The following LGMN variants were observed in gnomAD, a reference collection of about 807,000 sequenced individuals.
LGMN encodes legumain, also known as asparaginyl endopeptidase.
Under a neutral mutation model 56.8 loss-of-function variants are expected in LGMN, and 36 were observed. The observed-to-expected ratio is 0.63, with a 90% CI of 0.49 to 0.84. LGMN has a LOEUF of 0.84. Among genes scored for constraint, LGMN ranks in the 40% least tolerant of loss-of-function variants. The probability of loss-of-function intolerance (pLI) is 0.00; values close to 1 mark genes in which losing one functional copy is unlikely to be tolerated. For missense variants in LGMN, 446 were observed against 556.1 expected, an observed-to-expected ratio of 0.80 and a Z score of 1.99; for synonymous variants, 199 against 210.1, an observed-to-expected ratio of 0.95 and a Z score of 0.46.
chr14:92,710,735 G>A (rs971616956), intron 10 of LGMN, among the ~76,000 whole-genome samples: 3 of 152,184 alleles, frequency 2.0e-5, no homozygotes, highest in African/African-American at 4.8e-5. Context: ...AAAGCCCAAG[G>A]CGGGGCCCCC....
chr14:92,714,468 G>C lies in LGMN; in HGVS notation c.405-17C>G. 1 of 1,548,826 alleles carries C rather than the reference G, an allele frequency of 6.5e-7. No individual in the cohort carries two copies. The highest frequency in any genetic ancestry group is 2.2e-5 in the East Asian group (1 of 44,530). On this transcript the variant is annotated splice_polypyrimidine_tract_variant and intron_variant, in intron 5 of 13. Transcript: ENST00000334869. This position sits in a 1 kb window ranked among gnomAD's most constrained non-coding sequence, Gnocchi z 5.1. ...TGGGGGCCACTGCCAAGAAGGAATC[G>C]GGGGTCAATCATTTCCTTTTTCTGT...
intron 1 of LGMN, chr14:92,733,697 C>T (rs1311663938): frequency 6.6e-6 from 1 of 152,176 alleles, no homozygotes; most frequent in East Asian, 1.9e-4. Flanking sequence ...GTCTCAGCTA[C>T]TTGGGAGGCT....
In LGMN at chr14:92,704,063, C is replaced by T. The variant is rs764985452; in HGVS notation, c.*256G>A. 1.6e-5 allele frequency: 11 copies of T among 701,308 alleles called. No individual in the cohort carries two copies. The highest frequency in any genetic ancestry group is 2.6e-5 in the Non-Finnish European group (10 of 385,298). The allele number at this position is 701,308 out of a possible 1,614,324, so 43.4% of individuals were successfully genotyped here. On this transcript the variant is annotated 3_prime_UTR_variant, in exon 14 of 14. Coordinates refer to ENST00000334869, the MANE Select transcript of LGMN (RefSeq NM_005606.7). ...CAAAACTAACAGGCAAAACAACAAA[C>T]CTCCTAGAAAGCAAATATGACCCTT... is the stretch of plus-strand genomic sequence containing the variant.
intron 12 of LGMN, 55 bp downstream of exon 12, chr14:92,706,428 G>A: frequency 7.2e-7 from 1 of 1,388,966 alleles, no homozygotes; most frequent in East Asian, 2.4e-5. Context: ...ACTGCCAGGG[G>A]ACAATATGAA....
chr14:92,711,779 G>A, intron 9 of LGMN, 31 bp from the exon 10 acceptor site: 1 of 1,611,206 alleles, frequency 6.2e-7, no homozygotes, highest in Non-Finnish European at 8.5e-7. Flanking sequence ...AGAGACCTTT[G>A]ACAATCAGAG....
In LGMN at chr14:92,743,622, G is replaced by A. The variant is rs189559633; in HGVS notation, c.-30+4867C>T. On this transcript the variant is annotated intron_variant, in intron 1 of 13. Coordinates refer to ENST00000334869, the MANE Select transcript of LGMN (RefSeq NM_005606.7). ...TTCAAGACCAGCCTGGCCAACATGCGAAACCCCATCTCTACTAAAAATACA... is the reference window on the plus strand; with the variant it reads ...TTCAAGACCAGCCTGGCCAACATGCAAAACCCCATCTCTACTAAAAATACA... Among the ~76,000 whole-genome samples the A allele has an allele frequency of 5.5e-3, 834 of 151,532 alleles. 3 individuals are homozygous for A. The highest frequency in any genetic ancestry group is 0.02 in the African/African-American group (810 of 41,274).
intron 10 of LGMN, among the ~76,000 whole-genome samples, chr14:92,711,404 A>C (rs941547727): frequency 5.3e-5 from 8 of 152,328 alleles, no homozygotes; most frequent in African/African-American, 1.9e-4. Context: ...CTTGGGTTTC[A>C]ACCAATGAGA....
At chr14:92,747,842 C>T (rs1891886208) in intron 1 of LGMN, among the ~76,000 whole-genome samples, 1 of 152,128 alleles carries the variant, frequency 6.6e-6, no homozygotes, top group African/African-American at 2.4e-5. Context: ...CTTCTTCCAG[C>T]CCCCAGATAC....
intron 2 of LGMN, among the ~76,000 whole-genome samples, chr14:92,727,429 CAAAAAAAAAAA>C (rs35889328): frequency 4.2e-5 from 2 of 47,990 alleles, no homozygotes; most frequent in African/African-American, 1.7e-4. Context: ...GACTGCCTCA[CAAAAAAAAAAA>C]AAAAAAAAAA....
intron 2 of LGMN, among the ~76,000 whole-genome samples, chr14:92,725,915 A>C (rs917700350): frequency 6.6e-6 from 1 of 152,016 alleles, no homozygotes; most frequent in Non-Finnish European, 1.5e-5. Flanking sequence ...GTGCAACAAC[A>C]TGGATTAATC....
intron 8 of LGMN, 44 bp from the exon 9 acceptor site, chr14:92,711,999 G>A (rs8177527): frequency 2.5e-5 from 35 of 1,421,364 alleles, no homozygotes; most frequent in Non-Finnish European, 3.3e-5. Flanking sequence ...TTTTATTCCT[G>A]CCTTGGATTA....
At position 92,719,191 on chromosome 14, in the gene LGMN, A is replaced by ACCGCCACCACCG. The variant is rs1890249343; in HGVS notation, c.139-348_139-347insCGGTGGTGGCGG. On this transcript the variant is annotated intron_variant, in intron 2 of 13. Coordinates refer to ENST00000334869, the MANE Select transcript of LGMN (RefSeq NM_005606.7). Reference sequence around the variant, plus strand: ...CACCACCACCACCACCATCACCACCACCGCCACCAACACCACCACCGCCAC... The same window carrying ACCGCCACCACCG: ...CACCACCACCACCACCATCACCACCACCGCCACCACCGCCGCCACCAACACCACCACCGCCAC... Among the ~76,000 whole-genome samples, 8 of 124,366 alleles carry ACCGCCACCACCG rather than the reference A, an allele frequency of 6.4e-5. 1 individual carries two copies. Among genetic ancestry groups the ACCGCCACCACCG allele is most frequent in the African/African-American group, 2.2e-4 (7 of 31,428 alleles). 81.6% of individuals were successfully genotyped at this position (124,366 alleles called of 152,430 possible).
chr14:92,745,205 T>C (rs893677978), intron 1 of LGMN, among the ~76,000 whole-genome samples: 5 of 152,262 alleles, frequency 3.3e-5, no homozygotes, highest in Admixed American at 2.0e-4. Flanking sequence ...TTTTAATTTT[T>C]AATGCTTATT....
At position 92,709,702 on chromosome 14, in the gene LGMN, C is replaced by T. The variant is rs777368698; in HGVS notation, c.990G>A (p.Gln330=). 1.2e-6 allele frequency: 2 copies of T among 1,613,644 alleles called. No homozygotes were observed. Among genetic ancestry groups the T allele is most frequent in the Admixed American group, 1.7e-5 (1 of 60,000 alleles). ...GATGCCGCTGGATCTCCTCCGTGAGCTGCCTGGACTCCTCCAGATCATTGG... is the reference window on the plus strand; with the variant it reads ...GATGCCGCTGGATCTCCTCCGTGAGTTGCCTGGACTCCTCCAGATCATTGG... ...MNTNDLEESR[Q]LTEEIQRHLD... The change falls in exon 11 of 14, where the codon CAG becomes CAA. Residue 330 remains glutamine (Q), a synonymous_variant. Transcript: ENST00000334869.
At chr14:92,713,947 C>T in intron 6 of LGMN, 62 bp from the exon 7 acceptor site, 1 of 1,242,920 alleles carries the variant, frequency 8.0e-7, no homozygotes, top group Non-Finnish European at 1.2e-6. Flanking sequence ...GGATAAGCCA[C>T]TAGTAAAGTT....
chr14:92,729,127 C>CTTTTTTTTTTT (rs55843490), intron 2 of LGMN, among the ~76,000 whole-genome samples: 59 of 110,088 alleles, frequency 5.4e-4, no homozygotes, highest in African/African-American at 7.3e-4. Flanking sequence ...CTCAGCTTTT[C>CTTTTTTTTTTT]TTTTTTTTTT....
rs1432819877 is a variant in LGMN, at chr14:92,711,878, C to T, written c.688G>A (p.Gly230Arg). The change falls in exon 9 of 14, where the codon GGG becomes AGG. Residue 230 changes from glycine (G) to arginine (R), a missense_variant. Physicochemically the swap from Gly to Arg is moderately radical, Grantham distance 125. Coordinates refer to ENST00000334869, the MANE Select transcript of LGMN (RefSeq NM_005606.7). ...YYDEKRSTYLGDWYSVNWMED... is the reference protein window; with the variant it reads ...YYDEKRSTYLRDWYSVNWMED... ...ATCCAGTTGACGCTGTACCAGTCCC[C>T]CAGGTACGTGGACCTCTTCTCATCA... is the stretch of plus-strand genomic sequence containing the variant. 5 of 1,613,982 alleles carry T rather than the reference C, an allele frequency of 3.1e-6. No homozygotes were observed. The highest frequency in any genetic ancestry group is 2.2e-5 in the East Asian group (1 of 44,896).
chr14:92,732,332 C>A (rs563869534), intron 2 of LGMN: 2 of 280,236 alleles, frequency 7.1e-6, no homozygotes, highest in East Asian at 8.7e-5. Flanking sequence ...CGGCCCCCAA[C>A]AACCAAGAAT....
chr14:92,722,717 G>A (rs923349312), intron 2 of LGMN, among the ~76,000 whole-genome samples: 8 of 152,074 alleles, frequency 5.3e-5, no homozygotes, highest in East Asian at 1.9e-4. Flanking sequence ...AACATATATC[G>A]GATAAAGGGC....
Sources: allele counts gnomAD v4.1 joint callset (sites outside exome capture counted in the v4.1 genomes callset), GRCh38; gene constraint gnomAD v4.1.1; non-coding constraint Gnocchi (gnomAD v3.1); transcripts MANE v1.5; gene names NCBI Gene and HGNC (gene_info 2026-07-23, HGNC 2026-07-21).